BAZ2B: variants seen among roughly 807,000 people sequenced by gnomAD.
BAZ2B encodes bromodomain adjacent to zinc finger domain 2B.
A neutral mutation model predicts 246.0 loss-of-function variants in BAZ2B; 91 were observed. The ratio of observed to expected loss-of-function variants is 0.37; its 90% CI spans 0.31 to 0.44. The LOEUF is 0.44. Ranked by LOEUF, BAZ2B falls within the 20% of genes least tolerant of loss-of-function variation. The pLI is 1.00. For synonymous variants in BAZ2B, 855 were observed against 860.0 expected, an observed-to-expected ratio of 0.99 and a Z score of 0.10; for missense variants, 2,332 against 2,533.7, an observed-to-expected ratio of 0.92 and a Z score of 1.71.
chr2:159,339,544 C>G (rs988930461), intron 31 of BAZ2B, among the ~76,000 whole-genome samples: 1 of 152,064 alleles, frequency 6.6e-6, no homozygotes, highest in Admixed American at 6.6e-5. Context: ...AACTACCATA[C>G]GATCTAGCAA....
At chr2:159,374,559 AT>A in intron 26 of BAZ2B, 131 bp downstream of exon 26, 1 of 707,440 alleles carries the variant, frequency 1.4e-6, no homozygotes, top group Non-Finnish European at 2.4e-6. Context: ...CAAAAATGCT[AT>A]TCAGAATCTT....
chr2:159,557,738 T>C (rs1439878206), intron 1 of BAZ2B, among the ~76,000 whole-genome samples: 1 of 152,184 alleles, frequency 6.6e-6, no homozygotes, highest in Non-Finnish European at 1.5e-5. Flanking sequence ...AGCTACTGAA[T>C]GAATGAGTGA....
chr2:159,699,769 T>C, the BAZ2B span, among the ~76,000 whole-genome samples: 2 of 152,190 alleles, frequency 1.3e-5, no homozygotes, highest in Non-Finnish European at 2.9e-5. Context: ...ATATATTTTA[T>C]TCACTCTTAA....
At chr2:159,491,670 G>A (rs1455527242) in intron 2 of BAZ2B, among the ~76,000 whole-genome samples, 1 of 121,024 alleles carries the variant, frequency 8.3e-6, no homozygotes, top group Non-Finnish European at 1.6e-5. Context: ...GCAGTGAGCC[G>A]AGATCCCGCC....
intron 1 of BAZ2B, among the ~76,000 whole-genome samples, chr2:159,566,484 C>T (rs115821735): frequency 7.2e-5 from 11 of 152,164 alleles, no homozygotes; most frequent in African/African-American, 1.9e-4. Flanking sequence ...ATCTCCACTG[C>T]GCTTCCCCTT....
At chr2:159,317,768 TA>T (rs2062263468), downstream of BAZ2B, among the ~76,000 whole-genome samples, 2 of 152,028 alleles carry the variant, frequency 1.3e-5, no homozygotes, top group Non-Finnish European at 2.9e-5. Context: ...TTTTTTTTTT[TA>T]ATTTGAGGAG....
chr2:159,346,402 T>A (rs2067807555), intron 31 of BAZ2B, among the ~76,000 whole-genome samples: 1 of 152,204 alleles, frequency 6.6e-6, no homozygotes, highest in South Asian at 2.1e-4. Flanking sequence ...TTTCTAAACC[T>A]TTAGTACCTT....
At chr2:159,589,772 A>G (rs761925766) in intron 1 of BAZ2B, among the ~76,000 whole-genome samples, 10 of 152,232 alleles carry the variant, frequency 6.6e-5, no homozygotes, top group African/African-American at 9.6e-5. Context: ...TCCATGCTCC[A>G]AAACATTTTT....
chr2:159,316,200 ATAATG>A (rs1423447255), downstream of BAZ2B, among the ~76,000 whole-genome samples: 10 of 152,212 alleles, frequency 6.6e-5, no homozygotes, highest in African/African-American at 2.4e-4. Flanking sequence ...CTTTGCAAGA[ATAATG>A]TAAAGAGTGT....
At chr2:159,411,168 T>C (rs2066778906) in intron 14 of BAZ2B, among the ~76,000 whole-genome samples, 1 of 152,028 alleles carries the variant, frequency 6.6e-6, no homozygotes, top group South Asian at 2.1e-4. Flanking sequence ...ATTAGAGGAG[T>C]GTGCCACTAC....
chr2:159,700,680 C>T, the BAZ2B span, among the ~76,000 whole-genome samples: 10 of 152,236 alleles, frequency 6.6e-5, no homozygotes, highest in East Asian at 1.2e-3. Flanking sequence ...CTCCTGACCT[C>T]GTGATCTGCC....
Position 159,400,867 on chromosome 2 carries a change from C to T in BAZ2B, c.2833-203G>A, listed in dbSNP as rs532146968. Among the ~76,000 whole-genome samples the T allele has an allele frequency of 2.8e-4, 42 of 152,084 alleles. No homozygotes were observed. The East Asian group carries it at 2.9e-3, about 11-fold the overall frequency. On this transcript the variant is annotated intron_variant, in intron 16 of 36. Transcript: ENST00000392783. The stretch of plus-strand genomic sequence containing the variant: ...CATCCTGGCTAACACAGTGAAACCT[C>T]GTCTCTACTAAAAATATTTAAAAAA...
intron 8 of BAZ2B, chr2:159,434,698 T>C (rs2071862699): frequency 6.6e-6 from 1 of 152,106 alleles, no homozygotes; most frequent in Admixed American, 6.6e-5. Context: ...AATAACTTCC[T>C]GAGCAAGAAC....
At position 159,374,662 on chromosome 2, in the gene BAZ2B, A is replaced by T. The variant is rs73967853; in HGVS notation, c.4068+29T>A. On this transcript the variant is annotated intron_variant, in intron 26 of 36. Coordinates refer to ENST00000392783, the MANE Select transcript of BAZ2B (RefSeq NM_013450.4). ...GTAGATTTCTAAAACACTGTGAAGAAGTTAAATGTTAATCAGAAAAGTGCT... is the reference window on the plus strand; with the variant it reads ...GTAGATTTCTAAAACACTGTGAAGATGTTAAATGTTAATCAGAAAAGTGCT... 5 of 1,577,216 alleles carry T rather than the reference A, an allele frequency of 3.2e-6. No individual in the cohort carries two copies. The South Asian group carries it at 5.6e-5, about 18-fold the overall frequency.
the BAZ2B span, among the ~76,000 whole-genome samples, chr2:159,624,971 T>G: frequency 5.3e-5 from 8 of 151,726 alleles, no homozygotes; most frequent in Non-Finnish European, 1.2e-4. Context: ...GAATAACCAG[T>G]TTAGAGAACG....
the BAZ2B span, among the ~76,000 whole-genome samples, chr2:159,705,907 A>G: frequency 1.3e-5 from 2 of 152,192 alleles, no homozygotes; most frequent in East Asian, 1.9e-4. Flanking sequence ...CAGAGTGATA[A>G]TATCTATTAC....
chr2:159,337,898 C>G, intron 31 of BAZ2B, 126 bp from the exon 32 acceptor site: 1 of 855,484 alleles, frequency 1.2e-6, no homozygotes, highest in Non-Finnish European at 1.7e-6. Context: ...AAGATTTTAC[C>G]TTGTGTTTCC....
intron 25 of BAZ2B, among the ~76,000 whole-genome samples, chr2:159,381,849 T>C (rs555710608): frequency 2.6e-5 from 4 of 152,322 alleles, no homozygotes; most frequent in South Asian, 2.1e-4. Context: ...CCTGCTTCTG[T>C]GCCCTTGGTC....
chr2:159,360,588 GA>G (rs1045722793), intron 27 of BAZ2B, among the ~76,000 whole-genome samples: 3 of 151,902 alleles, frequency 2.0e-5, no homozygotes, highest in Non-Finnish European at 4.4e-5. Context: ...CACAGAATTA[GA>G]AAAAAACTAC....
Sources: allele counts gnomAD v4.1 joint callset (sites outside exome capture counted in the v4.1 genomes callset), GRCh38; gene constraint gnomAD v4.1.1; transcripts MANE v1.5; gene names NCBI Gene and HGNC (gene_info 2026-07-23, HGNC 2026-07-21).